GATB: variants seen among roughly 807,000 people sequenced by gnomAD.
The protein encoded by GATB is glutamyl-tRNA amidotransferase subunit B.
A neutral mutation model predicts 62.3 loss-of-function variants in GATB; 39 were observed. That is an observed-to-expected ratio of 0.63 (90% CI 0.48 to 0.82). GATB has a LOEUF of 0.82. Ranked by LOEUF, GATB falls within the 40% of genes least tolerant of loss-of-function variation. GATB has a pLI of 0.00. For synonymous variants in GATB, 276 were observed against 258.9 expected, an observed-to-expected ratio of 1.07 and a Z score of -0.63; for missense variants, 670 against 684.0, an observed-to-expected ratio of 0.98 and a Z score of 0.23.
chr4:151,689,022 G>A (rs536730940), intron 9 of GATB, among the ~76,000 whole-genome samples: 1 of 152,284 alleles, frequency 6.6e-6, no homozygotes, highest in East Asian at 1.9e-4. Flanking sequence ...GCAGACCAGA[G>A]GGATGGTGAA....
Position 151,739,655 on chromosome 4 carries a change from T to C in GATB, c.327+19117A>G, listed in dbSNP as rs893990894. On this transcript the variant is annotated intron_variant, in intron 2 of 12. Transcript: ENST00000263985. ...AGCTTCTCACATCTATGCCCAGACA[T>C]GATGTGACACTGGCTTCATGCTTTT... Among the ~76,000 whole-genome samples the C allele has an allele frequency of 3.3e-5, 5 of 152,256 alleles. No individual in the cohort carries two copies. The South Asian group carries it at 8.3e-4, about 25-fold the overall frequency.
In GATB at chr4:151,760,846, G is replaced by A. The variant is rs6856967; in HGVS notation, c.137C>T (p.Ala46Val). The change falls in exon 1 of 13, where the codon GCT becomes GTT. Residue 46 changes from alanine (A) to valine (V), a missense_variant. Ala to Val is a moderately conservative substitution (Grantham distance 64). Coordinates refer to ENST00000263985, the MANE Select transcript of GATB (RefSeq NM_004564.3). Reference protein sequence around the residue: ...SNQIRGESSVAQQPLHTAQKT... With the variant: ...SNQIRGESSVVQQPLHTAQKT... ...CTGGGCCGTGTGGAGGGGCTGCTGA[G>A]CCACTGAGCTCTCTCCCCTAATCTG... 1,786 of 1,612,168 alleles carry A rather than the reference G, an allele frequency of 1.1e-3. 15 individuals carry two copies. In the African/African-American group the frequency reaches 0.021, roughly 19 times the overall value.
At chr4:151,677,454 C>T (rs1242451391) in intron 11 of GATB, 1 of 149,880 alleles carries the variant, frequency 6.7e-6, no homozygotes, top group African/African-American at 2.5e-5. Context: ...GATGGTGCGG[C>T]CATTTTAGAA....
At chr4:151,706,077 A>G (rs951818738) in intron 6 of GATB, among the ~76,000 whole-genome samples, 1 of 152,222 alleles carries the variant, frequency 6.6e-6, no homozygotes, top group Non-Finnish European at 1.5e-5. Context: ...TGAGTTGCTA[A>G]GAGGCAGCAA....
At chr4:151,691,382 G>A (rs926475558) in intron 9 of GATB, among the ~76,000 whole-genome samples, 2 of 152,168 alleles carry the variant, frequency 1.3e-5, no homozygotes, top group Non-Finnish European at 2.9e-5. Flanking sequence ...TATAATACCT[G>A]ACAGTCTCTA....
chr4:151,701,782 A>C (rs1353354117), intron 8 of GATB, among the ~76,000 whole-genome samples: 2 of 152,214 alleles, frequency 1.3e-5, no homozygotes, highest in Non-Finnish European at 2.9e-5. Flanking sequence ...GGGATTTGTA[A>C]CTGTGGATCA....
chr4:151,701,222 C>A, intron 9 of GATB, 107 bp downstream of exon 9: 1 of 832,788 alleles, frequency 1.2e-6, no homozygotes, highest in South Asian at 2.9e-5. Context: ...CCAAGAAACA[C>A]GCCCACCCCA....
chr4:151,760,075 C>G (rs1373535414), intron 1 of GATB, among the ~76,000 whole-genome samples: 2 of 152,224 alleles, frequency 1.3e-5, no homozygotes, highest in Non-Finnish European at 2.9e-5. Flanking sequence ...CTGAATACTT[C>G]TTTCTGGACA....
chr4:151,696,165 T>C (rs1738466191), intron 9 of GATB, among the ~76,000 whole-genome samples: 1 of 152,192 alleles, frequency 6.6e-6, no homozygotes, highest in Admixed American at 6.5e-5. Flanking sequence ...GGACGGCTTA[T>C]ATTACTTTTC....
chr4:151,684,176 C>G (rs751345423), intron 10 of GATB, among the ~76,000 whole-genome samples: 3 of 152,210 alleles, frequency 2.0e-5, no homozygotes, highest in Non-Finnish European at 4.4e-5. Context: ...CTTCCCTGCT[C>G]CAGTGCTCAG....
chr4:151,756,153 G>A (rs1421799965), intron 2 of GATB, among the ~76,000 whole-genome samples: 1 of 152,220 alleles, frequency 6.6e-6, no homozygotes, highest in East Asian at 1.9e-4. Context: ...TATAAGCCCT[G>A]CGCAGAAAGA....
rs1296582640 is a variant in GATB, at chr4:151,731,932, G to C, written c.328-12394C>G. Among the ~76,000 whole-genome samples, 43 of 124,782 alleles carry C rather than the reference G, an allele frequency of 3.4e-4. 1 individual carries two copies. The highest frequency in any genetic ancestry group is 1.3e-3 in the African/African-American group (39 of 29,268). The allele number at this position is 124,782 out of a possible 152,430, so 81.9% of individuals were successfully genotyped here. A position where few individuals can be genotyped will look rare whatever the true frequency, so the allele number is the denominator to read the frequency against. ...AGGGAGGTGGGGGTCAGCCCCCGCC[G>C]GGCCAGCCGCCCCGTCCGGGAGGGA... On this transcript the variant is annotated intron_variant, in intron 2 of 12. Transcript: ENST00000263985.
intron 5 of GATB, among the ~76,000 whole-genome samples, chr4:151,710,600 C>A (rs760631544): frequency 1.3e-5 from 2 of 152,182 alleles, no homozygotes; most frequent in Non-Finnish European, 2.9e-5. Context: ...CCAGCGGACA[C>A]AGGACACGCT....
chr4:151,718,680 GA>G (rs1159335054), intron 3 of GATB, among the ~76,000 whole-genome samples: 5 of 152,154 alleles, frequency 3.3e-5, no homozygotes, highest in Admixed American at 6.5e-5. Context: ...TCAGTTCAAG[GA>G]GAAAGAGGTG....
intron 2 of GATB, among the ~76,000 whole-genome samples, chr4:151,753,472 C>G (rs1375813809): frequency 2.0e-5 from 3 of 152,172 alleles, no homozygotes; most frequent in East Asian, 3.9e-4. Context: ...TACCATCTCT[C>G]TCTCACACAC....
chr4:151,727,326 C>T (rs1245034602), intron 2 of GATB, among the ~76,000 whole-genome samples: 1 of 152,182 alleles, frequency 6.6e-6, no homozygotes, highest in Non-Finnish European at 1.5e-5. Context: ...GTCCTAGGTC[C>T]ACCCCTAATA....
intron 2 of GATB, among the ~76,000 whole-genome samples, chr4:151,741,525 A>C (rs76472920): frequency 0.029 from 4,377 of 152,348 alleles, 90 homozygotes; most frequent in Non-Finnish European, 0.042. Flanking sequence ...CAATACTGGC[A>C]GTTTCTTGCT....
Position 151,708,022 on chromosome 4 carries a change from A to G in GATB, c.843T>C (p.Asn281=). 6.2e-7 allele frequency: 1 copy of G among 1,614,104 alleles called. No individual in the cohort carries two copies. Among genetic ancestry groups the G allele is most frequent in the Non-Finnish European group, 8.5e-7 (1 of 1,179,912 alleles). Residue 281 remains asparagine, a synonymous_variant, in exon 6 of 13, where the codon AAT becomes AAC. Transcript: ENST00000263985. ...TGGCCAGGAACCTGATGCTGTTGAG[A>G]TTCTTCACTTCCGTTCGAACGCCCA... The part of the protein sequence containing the change: ...EPLGVRTEVK[N]LNSIRFLAKA...
intron 3 of GATB, among the ~76,000 whole-genome samples, chr4:151,717,993 G>A (rs1331579860): frequency 6.6e-6 from 1 of 152,182 alleles, no homozygotes; most frequent in African/African-American, 2.4e-5. Context: ...GAATTCAGAT[G>A]GTCAGGCTCC....
Sources: gnomAD v4.1 joint callset for allele counts (sites outside exome capture counted in the v4.1 genomes callset) on GRCh38, gnomAD v4.1.1 for gene constraint, MANE v1.5 for transcripts, NCBI Gene and HGNC (gene_info 2026-07-23, HGNC 2026-07-21) for gene names.